The following RARB variants were observed in gnomAD, a reference collection of about 807,000 sequenced individuals.
RARB encodes HBV-activated protein.
Under a neutral mutation model 51.9 loss-of-function variants are expected in RARB, and 17 were observed. The observed-to-expected ratio is 0.33, with a 90% CI of 0.22 to 0.49. The LOEUF (loss-of-function observed/expected upper bound fraction) is 0.49. Ranked by LOEUF, RARB falls within the 20% of genes least tolerant of loss-of-function variation. RARB has a pLI of 0.99. For synonymous variants in RARB, 215 were observed against 195.4 expected (o/e 1.10, Z -0.84); for missense variants, 369 against 550.8 (o/e 0.67, Z 3.30).
intron 4 of RARB, among the ~76,000 whole-genome samples, chr3:25,150,315 G>T (rs1700263800): frequency 6.6e-6 from 1 of 152,170 alleles, no homozygotes; most frequent in African/African-American, 2.4e-5. Flanking sequence ...CTCTGGAGCT[G>T]GTTTCAGGAA....
chr3:25,547,498 A>G (rs1017157383), intron 3 of RARB, among the ~76,000 whole-genome samples: 12 of 152,194 alleles, frequency 7.9e-5, no homozygotes, highest in Non-Finnish European at 1.6e-4. Context: ...CCATGTGCCA[A>G]TTTAATGGGC....
intron 2 of RARB, among the ~76,000 whole-genome samples, chr3:24,861,379 G>A (rs185386431): frequency 6.6e-6 from 1 of 152,206 alleles, no homozygotes; most frequent in African/African-American, 2.4e-5. Flanking sequence ...AAGGACAGCT[G>A]TGTTTATTTC....
At chr3:25,073,307 C>T (rs1698807593) in intron 3 of RARB, among the ~76,000 whole-genome samples, 1 of 152,204 alleles carries the variant, frequency 6.6e-6, no homozygotes, top group Non-Finnish European at 1.5e-5. Context: ...TTTCTCCCAC[C>T]TTTCTTTCCC....
At chr3:25,447,859 G>C (rs1709016425) in intron 1 of RARB, among the ~76,000 whole-genome samples, 2 of 151,904 alleles carry the variant, frequency 1.3e-5, no homozygotes, top group Non-Finnish European at 2.9e-5. Flanking sequence ...TATTTTGAGA[G>C]GGAAAATGGA....
intron 3 of RARB, among the ~76,000 whole-genome samples, chr3:25,550,222 T>C (rs1327631835): frequency 6.6e-6 from 1 of 152,200 alleles, no homozygotes; most frequent in Admixed American, 6.5e-5. Flanking sequence ...TTGAAAATAT[T>C]AGTTCTTGAG....
intron 5 of RARB, among the ~76,000 whole-genome samples, chr3:25,275,751 A>G (rs1703366916): frequency 6.8e-6 from 1 of 146,260 alleles, no homozygotes; most frequent in Non-Finnish European, 1.5e-5. Context: ...CAGGAAGGGG[A>G]CCATCACACA....
At chr3:24,863,362 G>A (rs985122532) in intron 2 of RARB, among the ~76,000 whole-genome samples, 1 of 152,180 alleles carries the variant, frequency 6.6e-6, no homozygotes. Flanking sequence ...TCTATAAAAC[G>A]CTGATAGTTA....
chr3:25,217,621 C>G (rs909503478), intron 5 of RARB, among the ~76,000 whole-genome samples: 2 of 152,126 alleles, frequency 1.3e-5, no homozygotes, highest in Non-Finnish European at 2.9e-5. Context: ...TTGTCAGTTA[C>G]TAGCTGTGTG....
chr3:25,202,593 C>A (rs1018254765), intron 5 of RARB, among the ~76,000 whole-genome samples: 1 of 152,168 alleles, frequency 6.6e-6, no homozygotes, highest in Non-Finnish European at 1.5e-5. Context: ...TTTCCCTCTA[C>A]ACACGGCTTT....
chr3:24,871,369 C>A (rs1575045882), intron 2 of RARB, among the ~76,000 whole-genome samples: 1 of 152,128 alleles, frequency 6.6e-6, no homozygotes, highest in African/African-American at 2.4e-5. Context: ...CCTATTTTAG[C>A]TATCAACCTC....
At chr3:25,337,008 T>G (rs1705082795) in intron 5 of RARB, among the ~76,000 whole-genome samples, 1 of 152,146 alleles carries the variant, frequency 6.6e-6, no homozygotes, top group Non-Finnish European at 1.5e-5. Flanking sequence ...ATGGATGCAG[T>G]GATGAACAAG....
intron 5 of RARB, among the ~76,000 whole-genome samples, chr3:25,305,194 A>T (rs190068367): frequency 1.1e-4 from 17 of 152,240 alleles, no homozygotes; most frequent in Admixed American, 1.1e-3. Flanking sequence ...CACTTCAGTA[A>T]GGAGCCCAGT....
intron 4 of RARB, among the ~76,000 whole-genome samples, chr3:25,156,085 T>A (rs1700369039): frequency 6.6e-6 from 1 of 152,186 alleles, no homozygotes; most frequent in South Asian, 2.1e-4. Flanking sequence ...TGTTTGGTCT[T>A]CTGTAGCCAA....
At chr3:24,916,511 G>C (rs1575070232) in intron 2 of RARB, among the ~76,000 whole-genome samples, 1 of 152,046 alleles carries the variant, frequency 6.6e-6, no homozygotes, top group East Asian at 1.9e-4. Flanking sequence ...CTCCCTCTAG[G>C]TATATTGAAG....
chr3:24,963,366 C>T (rs1230856262), intron 2 of RARB, among the ~76,000 whole-genome samples: 1 of 150,216 alleles, frequency 6.7e-6, no homozygotes, highest in Non-Finnish European at 1.5e-5. Context: ...TATTTTTGTC[C>T]TTGGTCAGCT....
At chr3:25,351,002 C>T (rs1705551835) in intron 5 of RARB, among the ~76,000 whole-genome samples, 1 of 152,144 alleles carries the variant, frequency 6.6e-6, no homozygotes, top group African/African-American at 2.4e-5. Context: ...CTTTGTGCTC[C>T]CGTTTCCGAA....
chr3:25,409,294 T>C (rs1007346144), intron 5 of RARB, among the ~76,000 whole-genome samples: 1 of 152,212 alleles, frequency 6.6e-6, no homozygotes, highest in Non-Finnish European at 1.5e-5. Context: ...AACTGACTTT[T>C]CTTTTGTCAT....
intron 2 of RARB, among the ~76,000 whole-genome samples, chr3:24,942,445 G>T (rs10514678): frequency 6.6e-6 from 1 of 152,144 alleles, no homozygotes; most frequent in Non-Finnish European, 1.5e-5. Context: ...ACACAGACTC[G>T]AGTAATGTCG....
chr3:25,554,046 G>C (rs945892599), intron 3 of RARB, among the ~76,000 whole-genome samples: 1 of 151,632 alleles, frequency 6.6e-6, no homozygotes, highest in Non-Finnish European at 1.5e-5. Flanking sequence ...ATGTTAATCT[G>C]TGTTTGGTTA....
Sources: gnomAD v4.1 joint callset for allele counts (sites outside exome capture counted in the v4.1 genomes callset) on GRCh38, gnomAD v4.1.1 for gene constraint, MANE v1.5 for transcripts, NCBI Gene and HGNC (gene_info 2026-07-23, HGNC 2026-07-21) for gene names.